NPAS3: variants seen among roughly 807,000 people sequenced by gnomAD.
The protein encoded by NPAS3 is neuronal PAS domain protein 3.
A neutral mutation model predicts 73.1 loss-of-function variants in NPAS3; 14 were observed. The observed-to-expected ratio is 0.19, with a 90% CI of 0.13 to 0.30. NPAS3 has a LOEUF of 0.30. NPAS3 is among the 10% of genes least tolerant of loss of function. The probability of loss-of-function intolerance (pLI) is 1.00; values close to 1 mark genes in which losing one functional copy is unlikely to be tolerated. For missense variants in NPAS3, 1,096 were observed against 1,250.0 expected (o/e 0.88, Z 1.86); for synonymous variants, 620 against 541.5 (o/e 1.14, Z -2.01).
intron 2 of NPAS3, among the ~76,000 whole-genome samples, chr14:33,060,466 C>T (rs905435924): frequency 6.6e-6 from 1 of 152,178 alleles, no homozygotes; most frequent in Non-Finnish European, 1.5e-5. Flanking sequence ...TCCTAGACTC[C>T]AAGTGTAACC....
At chr14:33,638,967 G>A (rs2058601826) in intron 5 of NPAS3, among the ~76,000 whole-genome samples, 1 of 152,158 alleles carries the variant, frequency 6.6e-6, no homozygotes, top group Non-Finnish European at 1.5e-5. Context: ...GAAGTTATTT[G>A]ACTTAGAAAG....
At chr14:33,426,114 A>G (rs2048544242) in intron 4 of NPAS3, among the ~76,000 whole-genome samples, 1 of 152,076 alleles carries the variant, frequency 6.6e-6, no homozygotes, top group South Asian at 2.1e-4. Flanking sequence ...GTATTTCAAC[A>G]TCAAGTAATC....
chr14:33,386,838 G>T (rs1294373489), intron 4 of NPAS3, among the ~76,000 whole-genome samples: 1 of 152,140 alleles, frequency 6.6e-6, no homozygotes, highest in Non-Finnish European at 1.5e-5. Flanking sequence ...GCGTCTTCAT[G>T]CTGTTCATAA....
rs149662739 is a variant in NPAS3 at position 33,469,787 on chromosome 14, G to A, written c.469-90334G>A. On this transcript the variant is annotated intron_variant, in intron 4 of 11. Coordinates refer to ENST00000356141, the Ensembl canonical transcript of NPAS3. Reference sequence around the variant, plus strand: ...GGTAAACAGAACAATGGAAATGCACGTGTGAAAGTAGGAAGATGTATGTTA... The same window carrying A: ...GGTAAACAGAACAATGGAAATGCACATGTGAAAGTAGGAAGATGTATGTTA... Among the ~76,000 whole-genome samples, 683 of 152,236 alleles carry A rather than the reference G, an allele frequency of 4.5e-3. 1 individual carries two copies. The highest frequency in any genetic ancestry group is 7.4e-3 in the Non-Finnish European group (505 of 68,008).
At chr14:33,214,970 C>T (rs1327381790) in intron 2 of NPAS3, 3 of 565,632 alleles carry the variant, frequency 5.3e-6, no homozygotes, top group Non-Finnish European at 9.3e-6. Flanking sequence ...AATTTTTACT[C>T]ATTGGACTTG....
chr14:33,189,572 A>G (rs996367999), intron 2 of NPAS3, among the ~76,000 whole-genome samples: 1 of 152,202 alleles, frequency 6.6e-6, no homozygotes, highest in African/African-American at 2.4e-5. Flanking sequence ...AGGATATTTT[A>G]CTAAGTGCAG....
intron 2 of NPAS3, among the ~76,000 whole-genome samples, chr14:33,152,848 G>A (rs935124003): frequency 2.6e-5 from 4 of 151,832 alleles, no homozygotes; most frequent in African/African-American, 4.8e-5. Flanking sequence ...ATCTGGAAAT[G>A]TATCCTTCAG....
At chr14:32,956,102 T>A (rs2036660263) in intron 1 of NPAS3, among the ~76,000 whole-genome samples, 1 of 152,060 alleles carries the variant, frequency 6.6e-6, no homozygotes, top group Non-Finnish European at 1.5e-5. Context: ...TACCACCAAA[T>A]AGATGAATTC....
intron 5 of NPAS3, among the ~76,000 whole-genome samples, chr14:33,642,938 A>T (rs1390801975): frequency 6.6e-6 from 1 of 152,160 alleles, no homozygotes; most frequent in Non-Finnish European, 1.5e-5. Context: ...GAGTAACTTT[A>T]CAAGAGGCTC....
intron 5 of NPAS3, among the ~76,000 whole-genome samples, chr14:33,657,018 G>C (rs1169378813): frequency 6.6e-6 from 1 of 152,178 alleles, no homozygotes; most frequent in Non-Finnish European, 1.5e-5. Context: ...CACACACACA[G>C]AGGAATATTA....
chr14:33,054,181 C>G (rs1488156989), intron 1 of NPAS3, among the ~76,000 whole-genome samples: 1 of 152,240 alleles, frequency 6.6e-6, no homozygotes, highest in South Asian at 2.1e-4. Flanking sequence ...TCATTTCAAG[C>G]TTTTTTATAT....
At chr14:33,454,743 C>T (rs138423012) in intron 4 of NPAS3, among the ~76,000 whole-genome samples, 135 of 152,204 alleles carry the variant, frequency 8.9e-4, no homozygotes, top group Non-Finnish European at 1.4e-3. Flanking sequence ...TCTTTTCTAC[C>T]GCTCAACTAT....
chr14:33,259,857 CTT>C (rs33939091), intron 3 of NPAS3, among the ~76,000 whole-genome samples: 15,561 of 145,478 alleles, frequency 0.11, 874 homozygotes, highest in East Asian at 0.22. Flanking sequence ...GCAGCAGCAT[CTT>C]TTTTTTTTTT....
chr14:33,234,375 C>A (rs2047956994), intron 3 of NPAS3, among the ~76,000 whole-genome samples: 1 of 152,094 alleles, frequency 6.6e-6, no homozygotes, highest in Non-Finnish European at 1.5e-5. Flanking sequence ...TTCAGTTGTT[C>A]ATTAAAATTA....
At chr14:33,385,350 A>T (rs944040047) in intron 4 of NPAS3, among the ~76,000 whole-genome samples, 17 of 152,160 alleles carry the variant, frequency 1.1e-4, no homozygotes, top group Non-Finnish European at 2.1e-4. Flanking sequence ...TTTTCTTTTC[A>T]TGCTAATTTT....
At chr14:33,047,774 T>A (rs1449818408) in intron 1 of NPAS3, among the ~76,000 whole-genome samples, 1 of 152,184 alleles carries the variant, frequency 6.6e-6, no homozygotes, top group Admixed American at 6.5e-5. Flanking sequence ...ATGGTCTATA[T>A]CCAGCTCGGT....
At chr14:33,309,877 A>G (rs951865067) in intron 3 of NPAS3, among the ~76,000 whole-genome samples, 5 of 152,182 alleles carry the variant, frequency 3.3e-5, no homozygotes, top group African/African-American at 1.2e-4. Flanking sequence ...AGTAGTTGTC[A>G]TATTTCCCTC....
intron 1 of NPAS3, among the ~76,000 whole-genome samples, chr14:32,974,093 G>A (rs1419367136): frequency 6.6e-6 from 1 of 152,204 alleles, no homozygotes; most frequent in African/African-American, 2.4e-5. Context: ...TACATGAATG[G>A]CTCTACAGAG....
intron 2 of NPAS3, among the ~76,000 whole-genome samples, chr14:33,074,391 G>A (rs902010864): frequency 2.6e-5 from 4 of 152,146 alleles, no homozygotes; most frequent in Non-Finnish European, 4.4e-5. Flanking sequence ...CATGCATGTT[G>A]TGGGTGATGG....
Sources: gnomAD v4.1 joint callset for allele counts (sites outside exome capture counted in the v4.1 genomes callset) on GRCh38, gnomAD v4.1.1 for gene constraint, MANE v1.5 for transcripts, NCBI Gene and HGNC (gene_info 2026-07-23, HGNC 2026-07-21) for gene names.